The following RGPD2 variants were observed in gnomAD, a reference collection of about 807,000 sequenced individuals.
RGPD2 encodes RANBP2-like and GRIP domain-containing protein 2.
Under a neutral mutation model 36.0 loss-of-function variants are expected in RGPD2, and 2 were observed. The ratio of observed to expected loss-of-function variants is 0.06; its 90% confidence interval spans 0.02 to 0.17. RGPD2 has a LOEUF of 0.17. RGPD2 is among the 10% of genes least tolerant of loss of function. The pLI is 1.00. For missense variants in RGPD2, 40 were observed against 464.3 expected, an observed-to-expected ratio of 0.09 and a Z score of 8.40; for synonymous variants, 19 against 163.8, an observed-to-expected ratio of 0.12 and a Z score of 6.75.
chr2:87,845,880 TATACTTATTAGCATATTTTATTG>T, the RGPD2 span, among the ~76,000 whole-genome samples: 1 of 152,076 alleles, frequency 6.6e-6, no homozygotes, highest in East Asian at 1.9e-4. Context: ...AATTAGAAAT[TATACTTATTAGCATATTTTATTG>T]ACAGTATTAT....
the RGPD2 span, among the ~76,000 whole-genome samples, chr2:87,840,352 G>A: frequency 4.5e-5 from 6 of 132,600 alleles, no homozygotes; most frequent in East Asian, 1.3e-3. Flanking sequence ...GAGGCAATAT[G>A]GACTTGCCAT....
the RGPD2 span, among the ~76,000 whole-genome samples, chr2:87,922,255 TG>T: frequency 7.8e-6 from 1 of 128,504 alleles, no homozygotes; most frequent in South Asian, 2.4e-4. Context: ...ATCGAGCCAC[TG>T]CTCTCCAGCC....
At chr2:87,973,248 G>A in the RGPD2 span, among the ~76,000 whole-genome samples, 1 of 150,036 alleles carries the variant, frequency 6.7e-6, no homozygotes, top group African/African-American at 2.4e-5. Context: ...CTGGGGCAGG[G>A]GTGACCCCTG....
chr2:87,883,248 C>T, the RGPD2 span, among the ~76,000 whole-genome samples: 1 of 151,312 alleles, frequency 6.6e-6, no homozygotes, highest in Non-Finnish European at 1.5e-5. Context: ...CTTGAAATAG[C>T]TTGTTACAAG....
intron 1 of RGPD2, among the ~76,000 whole-genome samples, chr2:87,824,771 G>GCCGCC (rs1686580730): frequency 1.4e-5 from 1 of 69,458 alleles, no homozygotes; most frequent in Admixed American, 1.6e-4. Context: ...GCCGCCGCCC[G>GCCGCC]GCCAGGCCGA....
At chr2:87,912,003 A>G in the RGPD2 span, among the ~76,000 whole-genome samples, 1 of 152,084 alleles carries the variant, frequency 6.6e-6, no homozygotes, top group South Asian at 2.1e-4. Context: ...CCTTTTTTCC[A>G]TGTTACATAT....
At chr2:87,934,471 AC>A in the RGPD2 span, among the ~76,000 whole-genome samples, 1 of 136,058 alleles carries the variant, frequency 7.3e-6, no homozygotes, top group South Asian at 2.3e-4. Flanking sequence ...GTCAATTAAT[AC>A]AAATATTTTT....
At chr2:87,934,243 A>T in the RGPD2 span, among the ~76,000 whole-genome samples, 1 of 139,046 alleles carries the variant, frequency 7.2e-6, no homozygotes, top group Non-Finnish European at 1.5e-5. Context: ...ATATGTAATC[A>T]TTGTGAAAAA....
At chr2:87,857,797 AT>A in the RGPD2 span, among the ~76,000 whole-genome samples, 1 of 148,992 alleles carries the variant, frequency 6.7e-6, no homozygotes, top group African/African-American at 2.5e-5. Flanking sequence ...AAAAAAAAAA[AT>A]TAGCATGTTT....
chr2:87,881,190 G>C, the RGPD2 span, among the ~76,000 whole-genome samples: 696 of 151,244 alleles, frequency 4.6e-3, 4 homozygotes, highest in African/African-American at 0.016. Flanking sequence ...CAGTCCCCAT[G>C]CCTGCTCTCA....
the RGPD2 span, among the ~76,000 whole-genome samples, chr2:87,955,295 A>G: frequency 2.7e-5 from 4 of 147,160 alleles, no homozygotes; most frequent in Non-Finnish European, 4.5e-5. Flanking sequence ...GATTACAGGC[A>G]TGAGCCACCG....
the RGPD2 span, among the ~76,000 whole-genome samples, chr2:87,928,891 T>A: frequency 1.3e-5 from 2 of 151,818 alleles, no homozygotes; most frequent in African/African-American, 4.8e-5. Context: ...CACTTTTTAA[T>A]GAGGTGGGTT....
chr2:87,919,557 A>C, the RGPD2 span, among the ~76,000 whole-genome samples: 1 of 151,384 alleles, frequency 6.6e-6, no homozygotes, highest in Non-Finnish European at 1.5e-5. Flanking sequence ...TATATAACTC[A>C]GGATTCTTTC....
the RGPD2 span, among the ~76,000 whole-genome samples, chr2:87,832,361 AT>A: frequency 6.6e-6 from 1 of 151,824 alleles, no homozygotes; most frequent in South Asian, 2.1e-4. Flanking sequence ...TGTCGGAACA[AT>A]TAGAAAATAC....
chr2:87,980,090 C>T, the RGPD2 span, among the ~76,000 whole-genome samples: 9 of 152,052 alleles, frequency 5.9e-5, no homozygotes, highest in Non-Finnish European at 1.3e-4. Flanking sequence ...TGGCTCATGC[C>T]TGTAATCCCA....
upstream of RGPD2, among the ~76,000 whole-genome samples, chr2:87,830,234 G>A (rs1310188130): frequency 6.6e-6 from 1 of 152,250 alleles, no homozygotes; most frequent in East Asian, 1.9e-4. Context: ...ACTTTGCAGG[G>A]TACAGGCTCT....
chr2:87,825,880 C>G, upstream of RGPD2: 1 of 1,017,838 alleles, frequency 9.8e-7, no homozygotes, highest in South Asian at 1.5e-5. Context: ...CACTGTGTAT[C>G]CTTGGCGACG....
At chr2:87,844,554 C>T in the RGPD2 span, among the ~76,000 whole-genome samples, 3 of 148,514 alleles carry the variant, frequency 2.0e-5, no homozygotes, top group African/African-American at 7.3e-5. Context: ...AATAATTTCA[C>T]GTAATTTTAG....
chr2:87,988,542 T>TATATATATATATATATATATATATATATA, the RGPD2 span, among the ~76,000 whole-genome samples: 17 of 37,504 alleles, frequency 4.5e-4, no homozygotes, highest in East Asian at 3.9e-3. Flanking sequence ...TATATATATA[T>TATATATATATATATATATATATATATATA]TTTTTTTTTT....
Sources: gnomAD v4.1 joint callset for allele counts (sites outside exome capture counted in the v4.1 genomes callset) on GRCh38, gnomAD v4.1.1 for gene constraint, MANE v1.5 for transcripts, NCBI Gene and HGNC (gene_info 2026-07-23, HGNC 2026-07-21) for gene names.